The following CSMD1 variants were observed in gnomAD, a reference collection of about 807,000 sequenced individuals.
CSMD1 encodes the protein CUB and sushi domain-containing protein 1.
A neutral mutation model predicts 417.5 loss-of-function variants in CSMD1; 213 were observed. That is an observed-to-expected ratio of 0.51 (90% CI 0.46 to 0.57). CSMD1 has a LOEUF of 0.57. Ranked by LOEUF, CSMD1 falls within the 20% of genes least tolerant of loss-of-function variation. The probability of loss-of-function intolerance (pLI) is 0.00; values close to 1 mark genes in which losing one functional copy is unlikely to be tolerated. For missense variants in CSMD1, 6,923 were observed against 4,529.7 expected, an observed-to-expected ratio of 1.53 and a Z score of -15.17; for synonymous variants, 2,862 against 1,736.8, an observed-to-expected ratio of 1.65 and a Z score of -16.11.
At chr8:3,851,880 C>A (rs562382416) in intron 5 of CSMD1, among the ~76,000 whole-genome samples, 2 of 152,130 alleles carry the variant, frequency 1.3e-5, no homozygotes, top group East Asian at 3.9e-4. Flanking sequence ...AGCCAGTGGG[C>A]TCCATGGATC....
chr8:4,107,178 G>T (rs149856553), intron 3 of CSMD1, among the ~76,000 whole-genome samples: 2 of 152,168 alleles, frequency 1.3e-5, no homozygotes, highest in Non-Finnish European at 2.9e-5. Flanking sequence ...GAAAACAAAT[G>T]CAACAAAAAG....
chr8:3,823,282 T>A (rs1339110099), intron 5 of CSMD1, among the ~76,000 whole-genome samples: 3 of 152,198 alleles, frequency 2.0e-5, no homozygotes, highest in Non-Finnish European at 4.4e-5. Flanking sequence ...CCAGATAATG[T>A]CTGGAATCGC....
chr8:4,470,273 C>T (rs138264223), intron 2 of CSMD1, among the ~76,000 whole-genome samples: 1 of 152,118 alleles, frequency 6.6e-6, no homozygotes, highest in Non-Finnish European at 1.5e-5. Flanking sequence ...TCCTCTATCC[C>T]GAGCCTTCTC....
chr8:3,014,418 C>G (rs1479664530), intron 52 of CSMD1, among the ~76,000 whole-genome samples: 1 of 152,076 alleles, frequency 6.6e-6, no homozygotes, highest in Non-Finnish European at 1.5e-5. Context: ...TCCTGCTTTT[C>G]CTGTTGTGAG....
In CSMD1 at chr8:4,284,134, G is replaced by A. The variant is rs192671866; in HGVS notation, c.415+135819C>T. 6.5e-3 allele frequency among the ~76,000 whole-genome samples: 994 copies of A among 152,258 alleles called. 9 individuals carry two copies. The highest frequency in any genetic ancestry group is 0.022 in the African/African-American group (923 of 41,540). ...TGTAATCCTAGCATTTTGGGAGGCC[G>A]AGAAGGGTGGATCACCTGAGGTCAG... On this transcript the variant is annotated intron_variant, in intron 3 of 69. Coordinates refer to ENST00000635120, the MANE Select transcript of CSMD1 (RefSeq NM_033225.6).
At chr8:4,273,081 G>A (rs1424173442) in intron 3 of CSMD1, among the ~76,000 whole-genome samples, 2 of 152,004 alleles carry the variant, frequency 1.3e-5, no homozygotes, top group East Asian at 1.9e-4. Context: ...TTTTGAGGAA[G>A]AAGTATAAAA....
chr8:3,849,086 T>A (rs568690184), intron 5 of CSMD1, among the ~76,000 whole-genome samples: 1 of 152,070 alleles, frequency 6.6e-6, no homozygotes, highest in Admixed American at 6.6e-5. Flanking sequence ...CATTTAACAG[T>A]TGAAGGGATA....
Position 3,187,982 on chromosome 8 carries a change from T to G in CSMD1, c.5524-17A>C. On this transcript the variant is annotated splice_polypyrimidine_tract_variant and intron_variant, in intron 35 of 69. Coordinates refer to ENST00000635120, the MANE Select transcript of CSMD1 (RefSeq NM_033225.6). ...CACTTGGATCTACCAAACCATGACA[T>G]TAAGTTAATATTTATTTTTGGCTTA... The G allele has an allele frequency of 6.2e-6, 10 of 1,604,914 alleles. No homozygotes were observed. Among genetic ancestry groups the G allele is most frequent in the Non-Finnish European group, 7.7e-6 (9 of 1,174,742 alleles).
intron 1 of CSMD1, among the ~76,000 whole-genome samples, chr8:4,990,901 T>G (rs1811429260): frequency 6.6e-6 from 1 of 152,144 alleles, no homozygotes; most frequent in African/African-American, 2.4e-5. Context: ...AGGGTTTCTC[T>G]GGAAACTCAG....
chr8:3,894,504 T>C (rs897378078), intron 5 of CSMD1, among the ~76,000 whole-genome samples: 1 of 152,216 alleles, frequency 6.6e-6, no homozygotes, highest in Non-Finnish European at 1.5e-5. Flanking sequence ...GTTTTAACAT[T>C]TGCCAAATTA....
intron 5 of CSMD1, among the ~76,000 whole-genome samples, chr8:3,951,274 C>G (rs1811577506): frequency 6.6e-6 from 1 of 152,182 alleles, no homozygotes; most frequent in Non-Finnish European, 1.5e-5. Context: ...ATTTCCTCCT[C>G]AGCCCTGGCC....
At chr8:3,977,056 T>C (rs1813488962) in intron 5 of CSMD1, among the ~76,000 whole-genome samples, 2 of 152,180 alleles carry the variant, frequency 1.3e-5, no homozygotes, top group Non-Finnish European at 1.5e-5. Flanking sequence ...CATCTTTTCT[T>C]GAATTTCTTT....
intron 3 of CSMD1, among the ~76,000 whole-genome samples, chr8:4,409,385 T>C (rs1487669092): frequency 2.6e-5 from 4 of 152,150 alleles, no homozygotes; most frequent in Non-Finnish European, 2.9e-5. Flanking sequence ...AAAAGATAAT[T>C]TACCCTTTCT....
At chr8:4,379,685 G>T (rs1031142671) in intron 3 of CSMD1, among the ~76,000 whole-genome samples, 2 of 56,508 alleles carry the variant, frequency 3.5e-5, no homozygotes, top group South Asian at 6.5e-4. Flanking sequence ...AGGGGAAGAG[G>T]GCAATGAAGC....
At position 4,744,204 on chromosome 8, in the gene CSMD1, C is replaced by T. The variant is rs185447511; in HGVS notation, c.86-106646G>A. Among the ~76,000 whole-genome samples the T allele has an allele frequency of 2.6e-3, 401 of 152,236 alleles. 1 individual carries two copies. Among genetic ancestry groups the T allele is most frequent in the African/African-American group, 9.3e-3 (386 of 41,542 alleles). On this transcript the variant is annotated intron_variant, in intron 1 of 69. Coordinates refer to ENST00000635120, the MANE Select transcript of CSMD1 (RefSeq NM_033225.6). ...CCAAACACAGGGACTGACTGACGGT[C>T]ACCTCTGCAGGCTCGGGGGGCACAG...
intron 1 of CSMD1, among the ~76,000 whole-genome samples, chr8:4,753,638 G>C (rs1275925117): frequency 6.6e-6 from 1 of 152,136 alleles, no homozygotes; most frequent in Non-Finnish European, 1.5e-5. Context: ...TCCGCAGCAG[G>C]ACATGACCTT....
At chr8:4,740,951 T>C (rs574945389) in intron 1 of CSMD1, among the ~76,000 whole-genome samples, 1 of 152,256 alleles carries the variant, frequency 6.6e-6, no homozygotes, top group South Asian at 2.1e-4. Flanking sequence ...TTAACATATA[T>C]TAAAAACATA....
At chr8:3,901,344 AT>A (rs558887358) in intron 5 of CSMD1, among the ~76,000 whole-genome samples, 22 of 152,028 alleles carry the variant, frequency 1.4e-4, no homozygotes, top group Admixed American at 1.4e-3. Context: ...CTCCAATTTA[AT>A]TTTTTTCAAA....
At chr8:4,094,017 A>G (rs989642301) in intron 3 of CSMD1, among the ~76,000 whole-genome samples, 5 of 140,408 alleles carry the variant, frequency 3.6e-5, no homozygotes, top group African/African-American at 1.3e-4. Flanking sequence ...TAGATAAAGA[A>G]AAAAGACAAA....
Sources: allele counts gnomAD v4.1 joint callset (sites outside exome capture counted in the v4.1 genomes callset), GRCh38; gene constraint gnomAD v4.1.1; transcripts MANE v1.5; gene names NCBI Gene and HGNC (gene_info 2026-07-23, HGNC 2026-07-21).